Variants in NYAP2 observed in about 807,000 individuals in gnomAD.
The protein encoded by NYAP2 is neuronal tyrosine-phosphorylated phosphoinositide-3-kinase adaptor 2, also known as neuronal tyrosine-phosphorylated phosphoinositide-3-kinase adapter 2.
A neutral mutation model predicts 50.4 loss-of-function variants in NYAP2; 23 were observed. The observed-to-expected ratio is 0.46, with a 90% confidence interval of 0.33 to 0.65. The LOEUF is 0.65. NYAP2 is among the 30% of genes least tolerant of loss of function. NYAP2 has a pLI of 0.02. For missense variants in NYAP2, 885 were observed against 861.0 expected (o/e 1.03, Z -0.35); for synonymous variants, 394 against 365.2 (o/e 1.08, Z -0.90).
intron 3 of NYAP2, among the ~76,000 whole-genome samples, chr2:225,486,632 A>G (rs1257271183): frequency 6.6e-6 from 1 of 152,172 alleles, no homozygotes; most frequent in Admixed American, 6.5e-5. Context: ...GTTTCCAGGC[A>G]TTGCTCATCT....
chr2:225,435,314 C>A (rs1457511040), intron 3 of NYAP2, among the ~76,000 whole-genome samples: 1 of 151,830 alleles, frequency 6.6e-6, no homozygotes, highest in Non-Finnish European at 1.5e-5. Flanking sequence ...AGAAAGTGAC[C>A]CATATAAAGA....
chr2:225,510,009 T>A (rs572393290), intron 3 of NYAP2, among the ~76,000 whole-genome samples: 1 of 152,330 alleles, frequency 6.6e-6, no homozygotes, highest in South Asian at 2.1e-4. Flanking sequence ...AAGCCACATC[T>A]GAGCAGAAGC....
intron 3 of NYAP2, among the ~76,000 whole-genome samples, chr2:225,485,655 T>C (rs1024299075): frequency 2.0e-4 from 31 of 152,164 alleles, no homozygotes; most frequent in Admixed American, 6.6e-5. Flanking sequence ...GAAAAACACA[T>C]AAAATGTATT....
intron 6 of NYAP2, among the ~76,000 whole-genome samples, chr2:225,642,759 TG>T (rs1243129320): frequency 6.6e-6 from 1 of 152,194 alleles, no homozygotes; most frequent in African/African-American, 2.4e-5. Flanking sequence ...CTGGTGATAC[TG>T]TTCTCTGAAG....
At chr2:225,464,003 T>C (rs987337251) in intron 3 of NYAP2, among the ~76,000 whole-genome samples, 2 of 152,114 alleles carry the variant, frequency 1.3e-5, no homozygotes, top group African/African-American at 4.8e-5. Flanking sequence ...AAATGCTGTC[T>C]CAGATGGGAG....
chr2:225,453,400 T>C (rs570232203), intron 3 of NYAP2, among the ~76,000 whole-genome samples: 2 of 152,312 alleles, frequency 1.3e-5, no homozygotes, highest in South Asian at 4.1e-4. Context: ...TAAGATTCTG[T>C]TATTTCTTTC....
chr2:225,503,453 A>G (rs1042484691), intron 3 of NYAP2, among the ~76,000 whole-genome samples: 1 of 152,212 alleles, frequency 6.6e-6, no homozygotes, highest in African/African-American at 2.4e-5. Flanking sequence ...AGCACTTGTC[A>G]TGTTTTAAGT....
chr2:225,427,332 A>G (rs1246914515), intron 3 of NYAP2, among the ~76,000 whole-genome samples: 1 of 152,238 alleles, frequency 6.6e-6, no homozygotes, highest in African/African-American at 2.4e-5. Flanking sequence ...ACACTTCATC[A>G]AACTGTGTAA....
intron 3 of NYAP2, among the ~76,000 whole-genome samples, chr2:225,513,121 C>G (rs1432163746): frequency 6.6e-6 from 1 of 151,966 alleles, no homozygotes; most frequent in East Asian, 1.9e-4. Flanking sequence ...ATAAGATTTA[C>G]CTAAAGTAAA....
At chr2:225,614,509 T>A (rs994971059) in intron 5 of NYAP2, among the ~76,000 whole-genome samples, 7 of 152,192 alleles carry the variant, frequency 4.6e-5, no homozygotes, top group Non-Finnish European at 1.0e-4. Flanking sequence ...ATTTAAAATA[T>A]CTATTCAATA....
chr2:225,633,402 T>C (rs1693355073), intron 6 of NYAP2, among the ~76,000 whole-genome samples: 1 of 152,194 alleles, frequency 6.6e-6, no homozygotes, highest in Non-Finnish European at 1.5e-5. Flanking sequence ...TAAGATGAGA[T>C]GCTAATTGAG....
intron 4 of NYAP2, among the ~76,000 whole-genome samples, chr2:225,581,322 C>A (rs1019364194): frequency 2.0e-5 from 3 of 152,166 alleles, no homozygotes; most frequent in African/African-American, 4.8e-5. Flanking sequence ...TCAACAATAC[C>A]TGGAGATTTA....
chr2:225,442,823 G>T (rs1689491816), intron 3 of NYAP2, among the ~76,000 whole-genome samples: 2 of 152,154 alleles, frequency 1.3e-5, no homozygotes, highest in Non-Finnish European at 1.5e-5. Flanking sequence ...TAATCCACCT[G>T]CCTTGGCCCC....
intron 3 of NYAP2, among the ~76,000 whole-genome samples, chr2:225,509,409 T>C (rs1038021756): frequency 1.3e-5 from 2 of 152,190 alleles, no homozygotes; most frequent in Admixed American, 1.3e-4. Flanking sequence ...ACTTCTGTTT[T>C]GTTTGTTTCT....
intron 3 of NYAP2, among the ~76,000 whole-genome samples, chr2:225,491,127 A>G (rs1690395559): frequency 6.6e-6 from 1 of 152,226 alleles, no homozygotes; most frequent in Non-Finnish European, 1.5e-5. Context: ...CAGGACTGTA[A>G]AAAGGCAAAA....
At chr2:225,530,584 T>C (rs1691237748) in intron 4 of NYAP2, among the ~76,000 whole-genome samples, 1 of 152,204 alleles carries the variant, frequency 6.6e-6, no homozygotes, top group Non-Finnish European at 1.5e-5. Flanking sequence ...GGGTGTCTGT[T>C]GTTTTGCCTG....
intron 3 of NYAP2, among the ~76,000 whole-genome samples, chr2:225,486,496 C>A (rs533664108): frequency 2.6e-4 from 40 of 152,284 alleles, no homozygotes; most frequent in East Asian, 5.8e-4. Context: ...AGGCACTGAG[C>A]CTTGCCTGCT....
upstream of NYAP2, among the ~76,000 whole-genome samples, chr2:225,398,692 T>G (rs540246218): frequency 1.3e-3 from 196 of 152,084 alleles, no homozygotes; most frequent in African/African-American, 4.4e-3. Flanking sequence ...GAGAGAGGTC[T>G]GGCCTCTTCT....
Position 225,645,833 on chromosome 2 carries a change from G to A in NYAP2, c.1829-5599G>A, listed in dbSNP as rs547327846. Among the ~76,000 whole-genome samples, 6 of 152,260 alleles carry A rather than the reference G, an allele frequency of 3.9e-5. No individual in the cohort carries two copies. In the South Asian group the frequency reaches 6.2e-4, roughly 16 times the overall value. On this transcript the variant is annotated intron_variant, in intron 6 of 6. Transcript: ENST00000636099. Reference sequence around the variant, plus strand: ...AGTGTCATGACTCCTCAGCCTCACCGTTCAAGTCTCAAAGAGCATTGCATT... The same window carrying A: ...AGTGTCATGACTCCTCAGCCTCACCATTCAAGTCTCAAAGAGCATTGCATT...
Sources: allele counts gnomAD v4.1 joint callset (sites outside exome capture counted in the v4.1 genomes callset), GRCh38; gene constraint gnomAD v4.1.1; transcripts MANE v1.5; gene names NCBI Gene and HGNC (gene_info 2026-07-23, HGNC 2026-07-21).